NTN4: variants seen among roughly 807,000 people sequenced by gnomAD.
The protein encoded by NTN4 is netrin-4.
In NTN4, 32 loss-of-function variants were observed where a neutral mutation model predicts 73.6. The observed-to-expected ratio is 0.44, with a 90% CI of 0.33 to 0.58. The LOEUF is 0.58. Among genes scored for constraint, NTN4 ranks in the 20% least tolerant of loss-of-function variants. NTN4 has a pLI of 0.04. For synonymous variants in NTN4, 258 were observed against 287.5 expected (o/e 0.90, Z 1.04); for missense variants, 654 against 798.3 (o/e 0.82, Z 2.18).
rs2079101309 is a variant in NTN4 at position 95,777,375 on chromosome 12, TAA to T, written c.585+9562_585+9563del. Among the ~76,000 whole-genome samples, 8 of 152,174 alleles carry T rather than the reference TAA, an allele frequency of 5.3e-5. No individual in the cohort carries two copies. In the South Asian group the frequency reaches 1.2e-3, roughly 24 times the overall value. On this transcript the variant is annotated intron_variant, in intron 2 of 9. Coordinates refer to ENST00000343702, the MANE Select transcript of NTN4 (RefSeq NM_021229.4). Reference sequence around the variant, plus strand: ...AAAAGGCACAGACTGGCAAATTGGATAAAGAGTCAAGACCCATCAGTGTGCTG... The same window carrying T: ...AAAAGGCACAGACTGGCAAATTGGATAGAGTCAAGACCCATCAGTGTGCTG...
At chr12:95,728,124 T>C (rs11108219) in intron 3 of NTN4, among the ~76,000 whole-genome samples, 23,646 of 152,192 alleles carry the variant, frequency 0.16, 2,221 homozygotes, top group South Asian at 0.22. Context: ...AAAAATATAA[T>C]TGATTTTTGA....
At chr12:95,763,353 C>T (rs2079001264) in intron 2 of NTN4, among the ~76,000 whole-genome samples, 1 of 152,234 alleles carries the variant, frequency 6.6e-6, no homozygotes, top group Non-Finnish European at 1.5e-5. Flanking sequence ...CCTACAGCCT[C>T]ATCAGGCAGC....
chr12:95,695,746 G>A (rs1258155476), intron 5 of NTN4, among the ~76,000 whole-genome samples: 1 of 152,110 alleles, frequency 6.6e-6, no homozygotes, highest in African/African-American at 2.4e-5. Flanking sequence ...AGTTGTAGCT[G>A]GGCCAGTTAC....
At chr12:95,700,999 A>C (rs937633053) in intron 5 of NTN4, among the ~76,000 whole-genome samples, 2 of 151,930 alleles carry the variant, frequency 1.3e-5, no homozygotes, top group Non-Finnish European at 2.9e-5. Context: ...TTTTTAGTAG[A>C]GACAGGGTTT....
chr12:95,680,912 G>A (rs929874677), intron 7 of NTN4, among the ~76,000 whole-genome samples: 5 of 152,166 alleles, frequency 3.3e-5, no homozygotes, highest in East Asian at 3.9e-4. Context: ...TATAACGGCC[G>A]GGCGCGGTGG....
At chr12:95,726,370 A>G (rs2078694121) in intron 3 of NTN4, among the ~76,000 whole-genome samples, 1 of 152,158 alleles carries the variant, frequency 6.6e-6, no homozygotes, top group Admixed American at 6.5e-5. Flanking sequence ...GAATAATACA[A>G]TATGTGGCCT....
At chr12:95,670,717 A>G (rs950114483) in intron 7 of NTN4, among the ~76,000 whole-genome samples, 1 of 152,264 alleles carries the variant, frequency 6.6e-6, no homozygotes, top group African/African-American at 2.4e-5. Context: ...GTGTACAAAA[A>G]GTGATAAAGT....
chr12:95,700,691 G>A (rs1273537646), intron 5 of NTN4, among the ~76,000 whole-genome samples: 1 of 152,012 alleles, frequency 6.6e-6, no homozygotes. Context: ...TGTGAATCAG[G>A]TCAGGGTTCC....
chr12:95,787,027 G>A lies in NTN4; in HGVS notation c.497C>T (p.Ala166Val). The A allele has an allele frequency of 6.2e-7, 1 of 1,614,176 alleles. No homozygotes were observed. Among genetic ancestry groups the A allele is most frequent in the Admixed American group, 1.7e-5 (1 of 60,020 alleles). ...PYKYFATNCS[A>V]TFGLEDDVVK... is the part of the protein sequence containing the mutation. Reference sequence around the variant, plus strand: ...AACATCATCTTCCAGGCCAAATGTAGCGGAGCAGTTAGTCGCAAAGTACTT... The same window carrying A: ...AACATCATCTTCCAGGCCAAATGTAACGGAGCAGTTAGTCGCAAAGTACTT... Residue 166 changes from alanine to valine, a missense_variant, in exon 2 of 10, where the codon GCT (alanine) becomes GTT (valine). Coordinates refer to ENST00000343702, the MANE Select transcript of NTN4 (RefSeq NM_021229.4).
At chr12:95,696,585 C>T (rs886636052) in intron 5 of NTN4, among the ~76,000 whole-genome samples, 1 of 152,136 alleles carries the variant, frequency 6.6e-6, no homozygotes, top group Non-Finnish European at 1.5e-5. Context: ...ACCTTTGTTA[C>T]ATTAATAAAT....
intron 3 of NTN4, among the ~76,000 whole-genome samples, chr12:95,718,373 G>A (rs771184931): frequency 3.9e-5 from 6 of 152,116 alleles, no homozygotes; most frequent in Non-Finnish European, 8.8e-5. Context: ...GGAGGTTGTG[G>A]GAAGCTGTTC....
At chr12:95,724,234 T>C (rs755456593) in intron 3 of NTN4, among the ~76,000 whole-genome samples, 2 of 152,242 alleles carry the variant, frequency 1.3e-5, no homozygotes, top group Non-Finnish European at 2.9e-5. Flanking sequence ...GACTAAGAAT[T>C]GTAATGCCCA....
chr12:95,658,970 C>T lies in NTN4; in HGVS notation c.*116G>A. ...GTTAGATAAGACCCATGCATTCAAA[C>T]ATTTCTATATGTTTTGGCACTTTAA... On this transcript the variant is annotated 3_prime_UTR_variant, in exon 10 of 10. Transcript: ENST00000343702. 6.7e-6 allele frequency: 6 copies of T among 901,606 alleles called. No homozygotes were observed. In the East Asian group the frequency reaches 9.9e-5, roughly 15 times the overall value. The allele number at this position is 901,606 out of a possible 1,614,324, so 55.9% of individuals were successfully genotyped here. A position where few individuals can be genotyped will look rare whatever the true frequency, so the allele number is the denominator to read the frequency against.
intron 7 of NTN4, among the ~76,000 whole-genome samples, chr12:95,682,453 G>C (rs1263089916): frequency 1.5e-5 from 2 of 135,944 alleles, no homozygotes; most frequent in Non-Finnish European, 3.1e-5. Context: ...ATGATGTTTT[G>C]CATTTTCCAA....
At chr12:95,771,077 C>T (rs1192977873) in intron 2 of NTN4, among the ~76,000 whole-genome samples, 1 of 149,962 alleles carries the variant, frequency 6.7e-6, no homozygotes, top group African/African-American at 2.5e-5. Context: ...GCAAGCTCCG[C>T]CTCCCGGGTT....
At chr12:95,696,229 A>G (rs904095821) in intron 5 of NTN4, among the ~76,000 whole-genome samples, 1 of 151,360 alleles carries the variant, frequency 6.6e-6, no homozygotes, top group Non-Finnish European at 1.5e-5. Context: ...TTTTCATAAC[A>G]CTTATTATAG....
chr12:95,677,472 C>T (rs2078282035), intron 7 of NTN4, among the ~76,000 whole-genome samples: 1 of 152,082 alleles, frequency 6.6e-6, no homozygotes, highest in African/African-American at 2.4e-5. Flanking sequence ...GACCTCCTAA[C>T]TTTCTCAAAT....
chr12:95,713,164 G>A (rs770760465), intron 4 of NTN4, 48 bp downstream of exon 4: 35 of 1,589,426 alleles, frequency 2.2e-5, no homozygotes, highest in Admixed American at 5.1e-5. Context: ...CCACAGATGC[G>A]TTGACTTTAC....
chr12:95,711,293 T>G (rs767882596), intron 4 of NTN4, among the ~76,000 whole-genome samples: 1 of 152,224 alleles, frequency 6.6e-6, no homozygotes, highest in Non-Finnish European at 1.5e-5. Context: ...GATATTATGA[T>G]GAACTTACCA....
Sources: allele counts gnomAD v4.1 joint callset (sites outside exome capture counted in the v4.1 genomes callset), GRCh38; gene constraint gnomAD v4.1.1; transcripts MANE v1.5; gene names NCBI Gene and HGNC (gene_info 2026-07-23, HGNC 2026-07-21).